LTBP1: variants seen among roughly 807,000 people sequenced by gnomAD.
LTBP1 encodes latent-transforming growth factor beta-binding protein 1.
A neutral mutation model predicts 207.6 loss-of-function variants in LTBP1; 129 were observed. The ratio of observed to expected loss-of-function variants is 0.62; its 90% CI spans 0.54 to 0.72. The LOEUF is 0.72. LTBP1 is among the 30% of genes least tolerant of loss of function. The probability of loss-of-function intolerance (pLI) is 0.00; values close to 1 mark genes in which losing one functional copy is unlikely to be tolerated. For missense variants in LTBP1, 2,281 were observed against 2,217.2 expected, an observed-to-expected ratio of 1.03 and a Z score of -0.58; for synonymous variants, 963 against 833.7, an observed-to-expected ratio of 1.16 and a Z score of -2.67.
chr2:33,178,373 G>T (rs1047686878), intron 5 of LTBP1, among the ~76,000 whole-genome samples: 1 of 152,168 alleles, frequency 6.6e-6, no homozygotes, highest in African/African-American at 2.4e-5. Context: ...CAGCAATGGC[G>T]AGGTTGATGA....
chr2:33,274,802 C>T (rs1287749530), intron 16 of LTBP1, among the ~76,000 whole-genome samples, 163 bp from the exon 17 acceptor site: 1 of 152,168 alleles, frequency 6.6e-6, no homozygotes, highest in Non-Finnish European at 1.5e-5. Context: ...CAGGAACAAT[C>T]CTTCAAGTAC....
chr2:32,996,901 T>G (rs553274070), intron 2 of LTBP1, among the ~76,000 whole-genome samples: 7 of 152,244 alleles, frequency 4.6e-5, no homozygotes, highest in African/African-American at 1.7e-4. Flanking sequence ...TTGTTTTGTT[T>G]TGAGACAGAG....
At chr2:33,364,484 A>G in intron 30 of LTBP1, 128 bp downstream of exon 30, 1 of 836,496 alleles carries the variant, frequency 1.2e-6, no homozygotes, top group Non-Finnish European at 1.8e-6. Context: ...CTAAAATGAG[A>G]TACAATGAGA....
At chr2:33,297,946 C>A (rs1270488824) in intron 20 of LTBP1, among the ~76,000 whole-genome samples, 1 of 152,060 alleles carries the variant, frequency 6.6e-6, no homozygotes, top group Admixed American at 6.6e-5. Flanking sequence ...GTAGCTTTTC[C>A]CCACTCTGGA....
chr2:32,993,882 C>A (rs1217802933), intron 2 of LTBP1, among the ~76,000 whole-genome samples: 1 of 151,980 alleles, frequency 6.6e-6, no homozygotes, highest in African/African-American at 2.4e-5. Context: ...GGCATTCCTG[C>A]TACTTGAAGT....
chr2:33,244,703 T>C (rs1054831541), intron 10 of LTBP1, among the ~76,000 whole-genome samples: 1 of 151,574 alleles, frequency 6.6e-6, no homozygotes, highest in Non-Finnish European at 1.5e-5. Flanking sequence ...AAATGATCAC[T>C]GTTCAGCCTG....
intron 9 of LTBP1, among the ~76,000 whole-genome samples, chr2:33,230,410 G>T (rs1237429521): frequency 6.6e-6 from 1 of 151,920 alleles, no homozygotes; most frequent in Non-Finnish European, 1.5e-5. Context: ...CTTTTCAAAG[G>T]GATGATTTAT....
rs111997527 is a variant in LTBP1, at chr2:33,103,635, T to C, written c.864-6947T>C. ...TGTGTGTGTGTGTGTGTGAGTGTTA[T>C]GCTGCCATGTGGCATCTTCCTAATG... On this transcript the variant is annotated intron_variant, in intron 3 of 33. Coordinates refer to ENST00000404816, the MANE Select transcript of LTBP1 (RefSeq NM_206943.4). Among the ~76,000 whole-genome samples, 106 of 118,392 alleles carry C rather than the reference T, an allele frequency of 9.0e-4. 1 individual carries two copies. Among genetic ancestry groups the C allele is most frequent in the African/African-American group, 2.5e-3 (87 of 35,192 alleles). The allele number at this position is 118,392 out of a possible 152,430, so 77.7% of individuals were successfully genotyped here.
intron 5 of LTBP1, among the ~76,000 whole-genome samples, chr2:33,177,259 T>G (rs13392128): frequency 6.6e-6 from 1 of 152,200 alleles, no homozygotes; most frequent in African/African-American, 2.4e-5. Context: ...CTAAGCAATT[T>G]GTAAATGTTA....
chr2:33,287,906 G>T (rs193181793), intron 19 of LTBP1, among the ~76,000 whole-genome samples: 1 of 152,236 alleles, frequency 6.6e-6, no homozygotes, highest in Non-Finnish European at 1.5e-5. Flanking sequence ...CTCTCATTTT[G>T]CCATGCTTGC....
At chr2:33,358,188 C>A (rs973004599) in intron 26 of LTBP1, among the ~76,000 whole-genome samples, 2 of 152,174 alleles carry the variant, frequency 1.3e-5, no homozygotes, top group Non-Finnish European at 2.9e-5. Context: ...AAACATTGAA[C>A]TTTCAAATGT....
At chr2:33,120,148 G>A (rs1215315228) in intron 4 of LTBP1, among the ~76,000 whole-genome samples, 1 of 152,086 alleles carries the variant, frequency 6.6e-6, no homozygotes, top group Non-Finnish European at 1.5e-5. Flanking sequence ...ATGGCTGTGT[G>A]TATATATACA....
At position 33,365,513 on chromosome 2, in the gene LTBP1, T is replaced by A. The variant is rs2094974558; in HGVS notation, c.4711+10T>A. On this transcript the variant is annotated intron_variant, in intron 31 of 33. Transcript: ENST00000404816. Reference sequence around the variant, plus strand: ...CCCCTGAAGGATTCAGGTGAGCCCATATCCAATTCCTTCTGCAGGAGGCCT... The same window carrying A: ...CCCCTGAAGGATTCAGGTGAGCCCAAATCCAATTCCTTCTGCAGGAGGCCT... 1.2e-6 allele frequency: 2 copies of A among 1,608,728 alleles called. No homozygotes were observed. Among genetic ancestry groups the A allele is most frequent in the Non-Finnish European group, 1.7e-6 (2 of 1,177,352 alleles).
At chr2:33,241,781 G>T (rs572943012) in intron 9 of LTBP1, among the ~76,000 whole-genome samples, 8 of 152,308 alleles carry the variant, frequency 5.3e-5, no homozygotes, top group Non-Finnish European at 1.0e-4. Context: ...ATATAATAGG[G>T]CTTCACTTGT....
chr2:33,074,555 A>C (rs10176135), intron 3 of LTBP1, among the ~76,000 whole-genome samples: 9,909 of 152,104 alleles, frequency 0.065, 416 homozygotes, highest in South Asian at 0.18. Context: ...TCGCCAACGA[A>C]AACCCTGTCT....
rs2095294657 is a variant in LTBP1, at chr2:33,389,260, C to A, written c.4788C>A (p.Phe1596Leu). 6.2e-7 allele frequency: 1 copy of A among 1,614,074 alleles called. No homozygotes were observed. Among genetic ancestry groups the A allele is most frequent in the Non-Finnish European group, 8.5e-7 (1 of 1,180,056 alleles). Reference sequence around the variant, plus strand: ...ATGGACGGGACGCCTTGGTTGACTTCAGTGAACAGTATACTCCAGAAGCCG... The same window carrying A: ...ATGGACGGGACGCCTTGGTTGACTTAAGTGAACAGTATACTCCAGAAGCCG... The part of the protein sequence containing the change: ...QPYGRDALVD[F>L]SEQYTPEADP... The change falls in exon 32 of 34, where the codon TTC (phenylalanine) becomes TTA (leucine). Residue 1596 changes from phenylalanine (F) to leucine (L), a missense_variant. Transcript: ENST00000404816.
In LTBP1 at chr2:32,947,429, C is replaced by T. The variant is rs1035029580; in HGVS notation, c.105C>T (p.Gly35=). ...LRRITYVVHP[G]PGLAAGALPL... is the part of the protein sequence containing the mutation. ...GGATCACCTACGTGGTGCACCCGGG[C>T]CCCGGCCTGGCAGCCGGCGCCTTGC... Residue 35 remains glycine (G), a synonymous_variant, in exon 1 of 34, where the codon GGC becomes GGT. Transcript: ENST00000404816. The T allele has an allele frequency of 2.8e-6, 4 of 1,439,646 alleles. No homozygotes were observed. The highest frequency in any genetic ancestry group is 2.7e-5 in the South Asian group (2 of 74,492). The allele number at this position is 1,439,646 out of a possible 1,614,324, so 89.2% of individuals were successfully genotyped here. A position where few individuals can be genotyped will look rare whatever the true frequency, so the allele number is the denominator to read the frequency against.
chr2:33,012,924 A>G (rs1687872570), intron 2 of LTBP1, among the ~76,000 whole-genome samples: 1 of 152,238 alleles, frequency 6.6e-6, no homozygotes, highest in African/African-American at 2.4e-5. Flanking sequence ...AGTGAATGGC[A>G]GTGAATAATG....
chr2:33,361,610 T>G, intron 28 of LTBP1, 95 bp downstream of exon 28: 2 of 854,584 alleles, frequency 2.3e-6, no homozygotes, highest in Non-Finnish European at 3.7e-6. Context: ...TTAGAGTTCT[T>G]TTTAGTCATG....
Sources: allele counts gnomAD v4.1 joint callset (sites outside exome capture counted in the v4.1 genomes callset), GRCh38; gene constraint gnomAD v4.1.1; transcripts MANE v1.5; gene names NCBI Gene and HGNC (gene_info 2026-07-23, HGNC 2026-07-21).